Variants in CNTNAP2 observed in about 807,000 individuals in gnomAD.
CNTNAP2 encodes the protein contactin associated protein 2.
Under a neutral mutation model 155.2 loss-of-function variants are expected in CNTNAP2, and 98 were observed. The ratio of observed to expected loss-of-function variants is 0.63; its 90% CI spans 0.54 to 0.75. The LOEUF is 0.75. Ranked by LOEUF, CNTNAP2 falls within the 30% of genes least tolerant of loss-of-function variation. The pLI, the probability that CNTNAP2 is intolerant of heterozygous loss-of-function variation, is 0.00. For synonymous variants in CNTNAP2, 651 were observed against 631.2 expected (o/e 1.03, Z -0.47); for missense variants, 1,727 against 1,688.1 (o/e 1.02, Z -0.40).
At chr7:148,087,105 A>T (rs1398799393) in intron 15 of CNTNAP2, among the ~76,000 whole-genome samples, 1 of 152,080 alleles carries the variant, frequency 6.6e-6, no homozygotes, top group East Asian at 1.9e-4. Flanking sequence ...TCCTCAGAAC[A>T]CGTGCCCGAA....
intron 1 of CNTNAP2, among the ~76,000 whole-genome samples, chr7:146,365,764 G>A (rs1795146655): frequency 6.6e-6 from 1 of 152,100 alleles, no homozygotes. Context: ...AAAAGAGCCT[G>A]GGGCAAATAT....
At chr7:146,637,319 TAAAC>T (rs919734043) in intron 1 of CNTNAP2, among the ~76,000 whole-genome samples, 8 of 152,342 alleles carry the variant, frequency 5.3e-5, no homozygotes, top group East Asian at 1.9e-4. Flanking sequence ...AAGTTTTAAT[TAAAC>T]AAAGGAAGTC....
chr7:146,453,964 TGAG>T, intron 1 of CNTNAP2, among the ~76,000 whole-genome samples: 1 of 151,662 alleles, frequency 6.6e-6, no homozygotes, highest in Non-Finnish European at 1.5e-5. Flanking sequence ...TTTGAAGAAA[TGAG>T]GAGTGAAAAA....
chr7:147,783,618 A>G (rs544289916), intron 13 of CNTNAP2, among the ~76,000 whole-genome samples: 7 of 152,344 alleles, frequency 4.6e-5, no homozygotes, highest in Admixed American at 3.3e-4. Context: ...TATAGACAAA[A>G]TGTGTCATCC....
intron 1 of CNTNAP2, among the ~76,000 whole-genome samples, chr7:146,129,276 A>G (rs1797680836): frequency 6.6e-6 from 1 of 152,210 alleles, no homozygotes; most frequent in Non-Finnish European, 1.5e-5. Flanking sequence ...TGCAAATAAA[A>G]ATGACATTGT....
At chr7:148,182,521 C>T (rs1174331915) in intron 18 of CNTNAP2, among the ~76,000 whole-genome samples, 4 of 152,196 alleles carry the variant, frequency 2.6e-5, no homozygotes, top group Non-Finnish European at 2.9e-5. Flanking sequence ...TGGGCTCATT[C>T]CAGGCATTCC....
intron 4 of CNTNAP2, among the ~76,000 whole-genome samples, chr7:147,059,477 T>C (rs1187961222): frequency 2.0e-5 from 3 of 151,496 alleles, no homozygotes; most frequent in Non-Finnish European, 4.4e-5. Flanking sequence ...CTCTTGACTG[T>C]GATCTTATTT....
intron 21 of CNTNAP2, among the ~76,000 whole-genome samples, chr7:148,271,354 C>A (rs1158818752): frequency 2.0e-5 from 3 of 152,194 alleles, no homozygotes; most frequent in African/African-American, 7.2e-5. Flanking sequence ...GTTTAGCATT[C>A]TCCCTGGCCT....
chr7:147,329,431 C>G (rs1393703870), intron 9 of CNTNAP2, among the ~76,000 whole-genome samples: 1 of 151,498 alleles, frequency 6.6e-6, no homozygotes, highest in Admixed American at 6.6e-5. Context: ...ATAAAAGATC[C>G]AGTTTTTTAT....
At chr7:146,712,201 A>T (rs1298635127) in intron 1 of CNTNAP2, among the ~76,000 whole-genome samples, 1 of 116,756 alleles carries the variant, frequency 8.6e-6, no homozygotes, top group Non-Finnish European at 1.8e-5. Context: ...GTATACAAAT[A>T]TGTATACATA....
At chr7:146,847,952 AT>A in intron 3 of CNTNAP2, among the ~76,000 whole-genome samples, 1 of 152,342 alleles carries the variant, frequency 6.6e-6, no homozygotes, top group South Asian at 2.1e-4. Context: ...TCGGAAAGAA[AT>A]AACCCATTTT....
chr7:146,639,563 A>G lies in CNTNAP2; in HGVS notation c.98-134708A>G, dbSNP rs1360417134. Among the ~76,000 whole-genome samples the G allele has an allele frequency of 2.0e-5, 3 of 152,338 alleles. No homozygotes were observed. The East Asian group carries it at 5.8e-4, about 29-fold the overall frequency. On this transcript the variant is annotated intron_variant, in intron 1 of 23. Coordinates refer to ENST00000361727, the MANE Select transcript of CNTNAP2 (RefSeq NM_014141.6). ...TTCTTACCTCTCACTACCATTTACT[A>G]TGATACATTTACTAAGGATTTATTA... is the stretch of plus-strand genomic sequence containing the variant.
intron 9 of CNTNAP2, among the ~76,000 whole-genome samples, chr7:147,333,351 G>T (rs5028055): frequency 0.19 from 29,228 of 152,090 alleles, 3,107 homozygotes; most frequent in Non-Finnish European, 0.24. Flanking sequence ...CCATGGTAAG[G>T]CTAAATGAAA....
At chr7:148,268,736 T>A (rs916791634) in intron 21 of CNTNAP2, among the ~76,000 whole-genome samples, 1 of 152,072 alleles carries the variant, frequency 6.6e-6, no homozygotes, top group Admixed American at 6.6e-5. Context: ...TTGACAGATA[T>A]TAGCCCATTC....
intron 15 of CNTNAP2, among the ~76,000 whole-genome samples, chr7:148,072,960 G>A (rs748170272): frequency 2.0e-5 from 3 of 152,062 alleles, no homozygotes; most frequent in African/African-American, 4.8e-5. Context: ...TGCCCGCCTC[G>A]GCCCCCCAAA....
intron 14 of CNTNAP2, among the ~76,000 whole-genome samples, chr7:147,925,152 AGAGAAGGAAGGAAGGAAGGAAGGAAG>A (rs1410816224): frequency 9.3e-6 from 1 of 107,454 alleles, no homozygotes; most frequent in Admixed American, 9.7e-5. Flanking sequence ...AGAGAGAGAG[AGAGAAGGAAGGAAGGAAGGAAGGAAG>A]GAAGGAAGGA....
chr7:146,434,558 A>G (rs1380596884), intron 1 of CNTNAP2, among the ~76,000 whole-genome samples: 1 of 152,168 alleles, frequency 6.6e-6, no homozygotes, highest in Non-Finnish European at 1.5e-5. Context: ...CAGGCATGAT[A>G]CGCTTCAGAA....
At chr7:147,001,612 C>T (rs546725863) in intron 3 of CNTNAP2, among the ~76,000 whole-genome samples, 1 of 151,906 alleles carries the variant, frequency 6.6e-6, no homozygotes, top group African/African-American at 2.4e-5. Flanking sequence ...ACTGATGATG[C>T]TGTAATTCTT....
chr7:147,833,127 G>GTTT (rs1056090232), intron 13 of CNTNAP2, among the ~76,000 whole-genome samples: 7 of 139,438 alleles, frequency 5.0e-5, no homozygotes, highest in Non-Finnish European at 9.4e-5. Context: ...TTTTTCTTAG[G>GTTT]TTTTTTTTTT....
Sources: gnomAD v4.1 joint callset for allele counts (sites outside exome capture counted in the v4.1 genomes callset) on GRCh38, gnomAD v4.1.1 for gene constraint, MANE v1.5 for transcripts, NCBI Gene and HGNC (gene_info 2026-07-23, HGNC 2026-07-21) for gene names.